The following TYW1B variants were observed in gnomAD, a reference collection of about 807,000 sequenced individuals.
The protein encoded by TYW1B is S-adenosyl-L-methionine-dependent tRNA 4-demethylwyosine synthase TYW1B.
TYW1B carries 73 observed loss-of-function variants against 86.9 expected under a neutral mutation model. The observed-to-expected ratio is 0.84, with a 90% CI of 0.70 to 1.02. The LOEUF (loss-of-function observed/expected upper bound fraction) is 1.02, where lower values mean the gene tolerates loss of function less well. Among genes scored for constraint, TYW1B ranks in the 50% least tolerant of loss-of-function variants. TYW1B has a pLI of 0.00. For synonymous variants in TYW1B, 248 were observed against 292.8 expected, an observed-to-expected ratio of 0.85 and a Z score of 1.56; for missense variants, 637 against 827.4, an observed-to-expected ratio of 0.77 and a Z score of 2.82.
At chr7:72,725,715 G>A (rs1453303288) in intron 9 of TYW1B, among the ~76,000 whole-genome samples, 1 of 152,110 alleles carries the variant, frequency 6.6e-6, no homozygotes, top group East Asian at 1.9e-4. Flanking sequence ...AAGGAATTCT[G>A]CCAGGAGAAT....
At chr7:72,816,888 A>G (rs1185002280) in intron 2 of TYW1B, among the ~76,000 whole-genome samples, 1 of 152,088 alleles carries the variant, frequency 6.6e-6, no homozygotes, top group Non-Finnish European at 1.5e-5. Flanking sequence ...GGCCCTGTGC[A>G]GCTCTTCCAT....
intron 13 of TYW1B, among the ~76,000 whole-genome samples, chr7:72,598,797 A>C (rs1434612620): frequency 1.3e-5 from 2 of 152,178 alleles, no homozygotes; most frequent in South Asian, 4.1e-4. Flanking sequence ...CTGGGGCTAC[A>C]GCAGGTGATT....
Position 72,807,428 on chromosome 7 carries a change from GC to G in TYW1B, c.433-73del, listed in dbSNP as rs1440346714. The G allele has an allele frequency of 7.2e-6, 11 of 1,536,606 alleles. No individual in the cohort carries two copies. In the East Asian group the frequency reaches 2.5e-4, roughly 35 times the overall value. ...GGGTTTTCCAGACTGCTCTGCAAAA[GC>G]CCAAAGTCCTTCTGGGGCCCCTGGT... On this transcript the variant is annotated intron_variant, in intron 4 of 13. Coordinates refer to ENST00000620995, the MANE Select transcript of TYW1B (RefSeq NM_001145440.3).
intron 11 of TYW1B, among the ~76,000 whole-genome samples, chr7:72,632,381 TATATAC>T (rs1812535470): frequency 8.6e-6 from 1 of 115,824 alleles, no homozygotes; most frequent in African/African-American, 3.8e-5. Context: ...ATATATTATA[TATATAC>T]GTATATATAT....
chr7:72,695,570 G>A (rs1334173398), intron 10 of TYW1B, among the ~76,000 whole-genome samples: 3 of 151,734 alleles, frequency 2.0e-5, no homozygotes, highest in Non-Finnish European at 4.4e-5. Context: ...TAGATTTCTA[G>A]TAGGTCCTTC....
intron 11 of TYW1B, among the ~76,000 whole-genome samples, chr7:72,692,062 C>T (rs182948831): frequency 2.0e-5 from 3 of 151,470 alleles, no homozygotes; most frequent in African/African-American, 2.4e-5. Context: ...AAAAACTAGC[C>T]GGGCATGGTG....
At chr7:72,783,732 C>G (rs1385432270) in intron 6 of TYW1B, among the ~76,000 whole-genome samples, 19 of 152,168 alleles carry the variant, frequency 1.2e-4, no homozygotes, top group African/African-American at 4.6e-4. Context: ...TACTCTGACA[C>G]AGTAATTCTA....
intron 11 of TYW1B, among the ~76,000 whole-genome samples, chr7:72,661,699 G>T (rs1340049476): frequency 1.3e-5 from 2 of 151,552 alleles, no homozygotes; most frequent in East Asian, 3.9e-4. Context: ...TTGCTTTAAA[G>T]AGCTTAATTC....
intron 7 of TYW1B, among the ~76,000 whole-genome samples, chr7:72,770,621 A>G (rs1171776192): frequency 6.6e-6 from 1 of 152,102 alleles, no homozygotes; most frequent in Non-Finnish European, 1.5e-5. Context: ...AGTTTCTTCT[A>G]AAGTTAAATA....
intron 2 of TYW1B, 135 bp from the exon 3 acceptor site, chr7:72,815,616 T>C: frequency 2.8e-6 from 2 of 705,336 alleles, no homozygotes; most frequent in Non-Finnish European, 4.8e-6. Flanking sequence ...CCAAATTCTA[T>C]CCGCACTCTT....
At chr7:72,683,497 G>C (rs758929088) in intron 11 of TYW1B, among the ~76,000 whole-genome samples, 62 of 152,250 alleles carry the variant, frequency 4.1e-4, no homozygotes, top group Non-Finnish European at 5.3e-4. Flanking sequence ...TTGAACCTGG[G>C]AGGCAGAAGT....
chr7:72,813,812 C>T (rs782490461), intron 3 of TYW1B, among the ~76,000 whole-genome samples: 5 of 151,762 alleles, frequency 3.3e-5, no homozygotes, highest in African/African-American at 1.2e-4. Context: ...GTCAGGAGTT[C>T]GACACAAGCA....
chr7:72,696,530 A>ATATACG (rs1814324907), intron 10 of TYW1B, among the ~76,000 whole-genome samples: 1 of 152,178 alleles, frequency 6.6e-6, no homozygotes, highest in Admixed American at 6.6e-5. Context: ...TATGTGCTTT[A>ATATACG]TATACGTATC....
intron 2 of TYW1B, among the ~76,000 whole-genome samples, chr7:72,823,595 G>A (rs1229787394): frequency 1.3e-5 from 2 of 151,656 alleles, no homozygotes; most frequent in Admixed American, 1.3e-4. Context: ...ACTCCAGCCT[G>A]GCGACACAGG....
chr7:72,802,265 T>G, intron 6 of TYW1B, 135 bp downstream of exon 6: 7 of 1,462,656 alleles, frequency 4.8e-6, no homozygotes, highest in Non-Finnish European at 6.4e-6. Flanking sequence ...GGCAAAAAAA[T>G]TATAAAACTC....
At chr7:72,814,275 G>A (rs1466074090) in intron 3 of TYW1B, among the ~76,000 whole-genome samples, 2 of 151,868 alleles carry the variant, frequency 1.3e-5, no homozygotes, top group Non-Finnish European at 2.9e-5. Context: ...GCAACACAGT[G>A]AGACCGTATC....
At chr7:72,789,033 G>A (rs35820264) in intron 6 of TYW1B, among the ~76,000 whole-genome samples, 8,492 of 151,824 alleles carry the variant, frequency 0.056, 546 homozygotes, top group East Asian at 0.33. Flanking sequence ...GTCTCACTAT[G>A]TTGCCCAGGC....
At chr7:72,680,302 G>C (rs1813837794) in intron 11 of TYW1B, among the ~76,000 whole-genome samples, 1 of 152,134 alleles carries the variant, frequency 6.6e-6, no homozygotes, top group Admixed American at 6.6e-5. Context: ...CAGTCTGGGT[G>C]GGCACCATCT....
chr7:72,699,631 T>C (rs1814409818), intron 10 of TYW1B, among the ~76,000 whole-genome samples: 1 of 152,054 alleles, frequency 6.6e-6, no homozygotes, highest in Non-Finnish European at 1.5e-5. Context: ...TACAAAGCTG[T>C]TTGTATTCTT....
Sources: allele counts gnomAD v4.1 joint callset (sites outside exome capture counted in the v4.1 genomes callset), GRCh38; gene constraint gnomAD v4.1.1; transcripts MANE v1.5; gene names NCBI Gene and HGNC (gene_info 2026-07-23, HGNC 2026-07-21).